The following CFAP410 variants were observed in gnomAD, a reference collection of about 807,000 sequenced individuals.
CFAP410 encodes cilia and flagella associated protein 410, also known as cilia- and flagella-associated protein 410.
In CFAP410, 27 loss-of-function variants were observed where a neutral mutation model predicts 25.7. The ratio of observed to expected loss-of-function variants is 1.05; its 90% CI spans 0.77 to 1.45. CFAP410 has a LOEUF of 1.45. CFAP410 is among the 40% of genes most tolerant of loss of function. The probability of loss-of-function intolerance (pLI) is 0.00; values close to 1 mark genes in which losing one functional copy is unlikely to be tolerated. For synonymous variants in CFAP410, 178 were observed against 158.4 expected, an observed-to-expected ratio of 1.12 and a Z score of -0.93; for missense variants, 428 against 354.1, an observed-to-expected ratio of 1.21 and a Z score of -1.67.
Position 44,339,255 on chromosome 21 carries a change from A to T in CFAP410, c.-61T>A. On this transcript the variant is annotated 5_prime_UTR_variant, in exon 1 of 7. Transcript: ENST00000339818. ...GCCTCCTGATCCCGGGCGGGTGACG[A>T]CTGCGCGGCGCGTGTCTCCAGGGGC... 1 of 1,115,756 alleles carries T rather than the reference A, an allele frequency of 9.0e-7. No homozygotes were observed. 69.1% of individuals were successfully genotyped at this position (1,115,756 alleles called of 1,614,324 possible).
At chr21:44,333,656 A>G (rs1310207538) in intron 3 of CFAP410, 1 of 311,206 alleles carries the variant, frequency 3.2e-6, no homozygotes, top group Non-Finnish European at 6.1e-6. Context: ...GGCAAAAACT[A>G]GGAGCCAGCT....
intron 3 of CFAP410, chr21:44,335,338 C>T: frequency 4.7e-6 from 1 of 211,828 alleles, no homozygotes; most frequent in Non-Finnish European, 9.6e-6. Context: ...GCAGTGGTGG[C>T]ACTGGGGGGC....
rs373647832 is a variant in CFAP410 at position 44,337,228 on chromosome 21, C to G, written c.96+421G>C. Among the ~76,000 whole-genome samples the G allele has an allele frequency of 1.6e-4, 25 of 152,286 alleles. No individual in the cohort carries two copies. In the East Asian group the frequency reaches 2.5e-3, roughly 15 times the overall value. ...TCAAGTTCTCCCAGCAGGGCTTATT[C>G]TCTGCCTGCCTTTGGGGCAGCGGCA... is the stretch of plus-strand genomic sequence containing the variant. On this transcript the variant is annotated intron_variant, in intron 2 of 6. Coordinates refer to ENST00000339818, the MANE Select transcript of CFAP410 (RefSeq NM_004928.3).
rs757586462 is a variant in CFAP410, at chr21:44,330,296, G to A, written c.673C>T (p.Arg225Trp). The A allele has an allele frequency of 8.4e-5, 134 of 1,604,414 alleles. No individual in the cohort carries two copies. The highest frequency in any genetic ancestry group is 7.4e-4 in the East Asian group (33 of 44,774). The change falls in exon 7 of 7, where the codon CGG becomes TGG. Residue 225 changes from arginine (R) to tryptophan (W), a missense_variant. Transcript: ENST00000339818. ...TCCAGCCCCTCTGCATCCAGCTCCC[G>A]CAGCAGCAGCAGGATGGCAGTCAGG... ...NVLTAILLLL[R>W]ELDAEGLEAV...
In CFAP410 at chr21:44,339,138, G is replaced by C. The variant is rs1024387046; in HGVS notation, c.57C>G (p.Ser19Arg). 4 of 1,461,800 alleles carry C rather than the reference G, an allele frequency of 2.7e-6. No individual in the cohort carries two copies. The African/African-American group carries it at 4.5e-5, about 16-fold the overall frequency. 90.6% of individuals were successfully genotyped at this position (1,461,800 alleles called of 1,614,324 possible). A position where few individuals can be genotyped will look rare whatever the true frequency, so the allele number is the denominator to read the frequency against. The part of the protein sequence containing the change: ...LTRAKASELH[S>R]VRKLNCWGSR... ...CTCACCAGCAGTTGAGCTTGCGCAC[G>C]CTGTGCAGCTCCGAGGCCTTGGCCC... The change falls in exon 1 of 7, where the codon AGC (serine) becomes AGG (arginine). Residue 19 changes from serine (S) to arginine (R), a missense_variant. Transcript: ENST00000339818.
chr21:44,339,161 C>A lies in CFAP410; in HGVS notation c.34G>T (p.Ala12Ser). Residue 12 changes from alanine to serine, a missense_variant, in exon 1 of 7, where the codon GCC becomes TCC. By Grantham distance (99) the Ala-to-Ser change is moderately conservative. Coordinates refer to ENST00000339818, the MANE Select transcript of CFAP410 (RefSeq NM_004928.3). ...ACGCTGTGCAGCTCCGAGGCCTTGG[C>A]CCGGGTCAGAACCATCTTCCGCGTC... ...KLTRKMVLTR[A>S]KASELHSVRK... is the part of the protein sequence containing the mutation. 1 of 1,474,884 alleles carries A rather than the reference C, an allele frequency of 6.8e-7. No homozygotes were observed. 91.4% of individuals were successfully genotyped at this position (1,474,884 alleles called of 1,614,324 possible).
chr21:44,337,783 T>C, intron 1 of CFAP410, 116 bp from the exon 2 acceptor site: 1 of 819,944 alleles, frequency 1.2e-6, no homozygotes, highest in South Asian at 1.6e-5. Flanking sequence ...TCTAGGATTT[T>C]AATGGCATGG....
chr21:44,332,127 A>G, intron 4 of CFAP410, 113 bp from the exon 5 acceptor site: 1 of 823,236 alleles, frequency 1.2e-6, no homozygotes, highest in Non-Finnish European at 1.9e-6. Context: ...TGTGAAATGC[A>G]TGCACGTGTA....
chr21:44,334,095 G>C (rs934831290), intron 3 of CFAP410: 7 of 456,112 alleles, frequency 1.5e-5, no homozygotes, highest in Non-Finnish European at 2.6e-5. Context: ...ACTCTTTCCA[G>C]GATGGGGTCT....
chr21:44,338,291 C>T, intron 1 of CFAP410: 1 of 1,288,196 alleles, frequency 7.8e-7, no homozygotes, highest in African/African-American at 1.5e-5. Flanking sequence ...GACCCCCACA[C>T]CCGCCTGCAC....
intron 3 of CFAP410, chr21:44,333,493 C>G (rs759465748): frequency 4.1e-5 from 24 of 589,158 alleles, no homozygotes; most frequent in Non-Finnish European, 7.0e-5. Flanking sequence ...CCACCAGCAA[C>G]AGCCCCTTGG....
At chr21:44,330,400 G>A in intron 6 of CFAP410, 74 bp from the exon 7 acceptor site, 4 of 1,571,470 alleles carry the variant, frequency 2.5e-6, no homozygotes, top group Non-Finnish European at 3.5e-6. Context: ...GCTGGGGCCT[G>A]GCCAGCGGTG....
At chr21:44,338,957 C>T (rs551102398) in intron 1 of CFAP410, among the ~76,000 whole-genome samples, 161 bp downstream of exon 1, 1 of 61,560 alleles carries the variant, frequency 1.6e-5, no homozygotes, top group Non-Finnish European at 3.0e-5. Context: ...TCCGCCCTCT[C>T]CCCGCCCCGG....
intron 1 of CFAP410, chr21:44,338,235 C>T (rs1268440399): frequency 4.0e-6 from 5 of 1,245,914 alleles, no homozygotes; most frequent in African/African-American, 1.6e-5. Context: ...AGAGCTCACT[C>T]TGGGCAGTCT....
intron 3 of CFAP410, chr21:44,333,988 C>G (rs2047701142): frequency 2.4e-6 from 1 of 408,342 alleles, no homozygotes; most frequent in Non-Finnish European, 5.0e-6. Flanking sequence ...GAGCCCCCCT[C>G]CCCATGCCAT....
intron 2 of CFAP410, among the ~76,000 whole-genome samples, chr21:44,337,116 A>G (rs997734179): frequency 6.6e-6 from 1 of 151,696 alleles, no homozygotes; most frequent in Non-Finnish European, 1.5e-5. Flanking sequence ...AACAATTGGT[A>G]TGCGATCCCT....
rs1461664980 is a variant in CFAP410, at chr21:44,339,150, C to G, written c.45G>C (p.Ser15=). 1 of 1,474,282 alleles carries G rather than the reference C, an allele frequency of 6.8e-7. No individual in the cohort carries two copies. Among genetic ancestry groups the G allele is most frequent in the Non-Finnish European group, 9.0e-7 (1 of 1,109,368 alleles). 91.3% of individuals were successfully genotyped at this position (1,474,282 alleles called of 1,614,324 possible). A position where few individuals can be genotyped will look rare whatever the true frequency, so the allele number is the denominator to read the frequency against. ...RKMVLTRAKA[S]ELHSVRKLNC... ...TGAGCTTGCGCACGCTGTGCAGCTC[C>G]GAGGCCTTGGCCCGGGTCAGAACCA... Residue 15 remains serine, a synonymous_variant, in exon 1 of 7, where the codon TCG becomes TCC. Coordinates refer to ENST00000339818, the MANE Select transcript of CFAP410 (RefSeq NM_004928.3).
intron 4 of CFAP410, 112 bp downstream of exon 4, chr21:44,332,921 A>T (rs943025693): frequency 5.4e-6 from 4 of 740,612 alleles, no homozygotes; most frequent in Non-Finnish European, 9.1e-6. Flanking sequence ...GGACACATCT[A>T]TGTCCCGCCA....
rs191498562 is a variant in CFAP410, at chr21:44,330,425, G to A, written c.643-99C>T. ...GGCCAGCGGTGCCCCACCACGGAGC[G>A]ACTGGTCCCGGGGGTGTGGGCCGTC... is the stretch of plus-strand genomic sequence containing the variant. On this transcript the variant is annotated intron_variant, in intron 6 of 6. Coordinates refer to ENST00000339818, the MANE Select transcript of CFAP410 (RefSeq NM_004928.3). 5.5e-4 allele frequency: 849 copies of A among 1,553,378 alleles called. 6 individuals carry two copies. In the Middle Eastern group the frequency reaches 9.1e-3, roughly 17 times the overall value.
Sources: gnomAD v4.1 joint callset for allele counts (sites outside exome capture counted in the v4.1 genomes callset) on GRCh38, gnomAD v4.1.1 for gene constraint, MANE v1.5 for transcripts, NCBI Gene and HGNC (gene_info 2026-07-23, HGNC 2026-07-21) for gene names.